Variants in KATNAL2 observed in about 807,000 individuals in gnomAD.
The protein encoded by KATNAL2 is katanin catalytic subunit A1 like 2, also known as katanin p60 ATPase-containing subunit A-like 2.
In KATNAL2, 52 loss-of-function variants were observed where a neutral mutation model predicts 76.3. That is an observed-to-expected ratio of 0.68 (90% CI 0.55 to 0.86). The LOEUF is 0.86. KATNAL2 is among the 40% of genes least tolerant of loss of function. The pLI is 0.00. For synonymous variants in KATNAL2, 243 were observed against 244.2 expected, an observed-to-expected ratio of 1.00 and a Z score of 0.05; for missense variants, 660 against 668.9, an observed-to-expected ratio of 0.99 and a Z score of 0.15.
At chr18:47,054,466 C>T (rs763415284) in intron 6 of KATNAL2, 28 bp downstream of exon 6, 76 of 1,605,740 alleles carry the variant, frequency 4.7e-5, no homozygotes, top group Non-Finnish European at 6.3e-5. Context: ...TCTTCTTAAT[C>T]GACTCGGCTC....
intron 3 of KATNAL2, among the ~76,000 whole-genome samples, chr18:47,042,735 C>G (rs1234713038): frequency 1.3e-5 from 2 of 152,088 alleles, no homozygotes; most frequent in African/African-American, 4.8e-5. Context: ...AAAATCAGTT[C>G]AGGATATCCC....
In KATNAL2 at chr18:47,042,665, G is replaced by A. The variant is rs2061001236; in HGVS notation, c.52-3792G>A. Among the ~76,000 whole-genome samples, 2 of 151,924 alleles carry A rather than the reference G, an allele frequency of 1.3e-5. 1 individual carries two copies. Among genetic ancestry groups the A allele is most frequent in the South Asian group, 4.1e-4 (2 of 4,822 alleles). ...GCTAAAAAATAAGGCCAAGGAAATT[G>A]CTCAGAATATAGAACAAAAGAGACA... On this transcript the variant is annotated intron_variant, in intron 3 of 17. Coordinates refer to ENST00000683218, the MANE Select transcript of KATNAL2 (RefSeq NM_001387690.1).
intron 6 of KATNAL2, among the ~76,000 whole-genome samples, chr18:47,056,811 C>T (rs1259758965): frequency 7.3e-6 from 1 of 137,550 alleles, no homozygotes; most frequent in Non-Finnish European, 1.6e-5. Context: ...TACAGACACA[C>T]ACACACACAA....
chr18:47,085,999 A>G (rs2062756997), intron 15 of KATNAL2, among the ~76,000 whole-genome samples: 1 of 152,088 alleles, frequency 6.6e-6, no homozygotes, highest in African/African-American at 2.4e-5. Context: ...AGGCTGAGGC[A>G]GGAGAATTGC....
rs909188297 is a variant in KATNAL2 at position 47,032,900 on chromosome 18, G to A, written c.52-13557G>A. On this transcript the variant is annotated intron_variant, in intron 3 of 17. Transcript: ENST00000683218. The stretch of plus-strand genomic sequence containing the variant: ...ATTCAAAGGCTCAACTTTGCACCAA[G>A]TTAAAGGTTCTGGTGTCCATTGGAA... 36 of 1,597,874 alleles carry A rather than the reference G, an allele frequency of 2.3e-5. No homozygotes were observed. The African/African-American group carries it at 4.3e-4, about 19-fold the overall frequency.
At chr18:47,050,440 A>AC (rs2061307303) in intron 4 of KATNAL2, among the ~76,000 whole-genome samples, 2 of 152,234 alleles carry the variant, frequency 1.3e-5, no homozygotes, top group South Asian at 4.1e-4. Context: ...TTTTTATTAC[A>AC]ATGTATTTTT....
intron 1 of KATNAL2, among the ~76,000 whole-genome samples, 185 bp from the exon 2 acceptor site, chr18:46,945,872 C>A (rs1218267811): frequency 1.3e-5 from 2 of 152,190 alleles, no homozygotes; most frequent in East Asian, 3.9e-4. Flanking sequence ...TCGGATTTCC[C>A]AATTAGGAAG....
intron 3 of KATNAL2, chr18:47,032,822 A>T (rs2060537639): frequency 2.7e-6 from 3 of 1,100,452 alleles, no homozygotes; most frequent in Non-Finnish European, 3.9e-6. Context: ...GCTGGGAGGT[A>T]GTGGCTGGGT....
intron 15 of KATNAL2, among the ~76,000 whole-genome samples, chr18:47,091,777 C>T (rs968836926): frequency 6.6e-6 from 1 of 152,150 alleles, no homozygotes; most frequent in African/African-American, 2.4e-5. Flanking sequence ...TCTGGACTTC[C>T]TTTAGACAGG....
At chr18:47,046,428 C>T in intron 3 of KATNAL2, 29 bp from the exon 4 acceptor site, 1 of 1,488,612 alleles carries the variant, frequency 6.7e-7, no homozygotes, top group Non-Finnish European at 9.1e-7. Context: ...TTTTTGTTGT[C>T]ATCCTACCTA....
intron 3 of KATNAL2, chr18:47,035,295 C>A: frequency 3.1e-6 from 5 of 1,611,718 alleles, no homozygotes; most frequent in Non-Finnish European, 4.2e-6. Flanking sequence ...GTCGCTGTCC[C>A]GGCGGTCGCA....
chr18:47,063,270 G>A lies in KATNAL2; in HGVS notation c.649-14G>A, dbSNP rs772324803. ...GCAATATTGTAATGTGAGCCTTTCCGCTCCTCTCATCAGGAACGACTGCTG... is the reference window on the plus strand; with the variant it reads ...GCAATATTGTAATGTGAGCCTTTCCACTCCTCTCATCAGGAACGACTGCTG... On this transcript the variant is annotated splice_polypyrimidine_tract_variant and intron_variant, in intron 9 of 17. Transcript: ENST00000683218. 2.0e-5 allele frequency: 33 copies of A among 1,611,824 alleles called. No individual in the cohort carries two copies. The highest frequency in any genetic ancestry group is 2.7e-5 in the African/African-American group (2 of 74,790).
chr18:47,056,303 TGA>T (rs1164087703), intron 6 of KATNAL2, among the ~76,000 whole-genome samples: 4 of 152,212 alleles, frequency 2.6e-5, no homozygotes, highest in African/African-American at 9.7e-5. Context: ...GCCAACAGTG[TGA>T]CATGAGTGCT....
chr18:47,031,993 AGAC>A (rs2060484981), intron 3 of KATNAL2, among the ~76,000 whole-genome samples: 1 of 152,238 alleles, frequency 6.6e-6, no homozygotes. Flanking sequence ...GAAAGCTAGC[AGAC>A]GTCCGTGTGA....
At chr18:47,084,526 C>T (rs2062678596) in intron 15 of KATNAL2, 1 of 631,580 alleles carries the variant, frequency 1.6e-6, no homozygotes, top group Non-Finnish European at 2.9e-6. Flanking sequence ...CAACTGGTTT[C>T]CCCCAGCAGG....
intron 3 of KATNAL2, among the ~76,000 whole-genome samples, chr18:46,953,095 C>T (rs1033645256): frequency 6.6e-6 from 1 of 151,812 alleles, no homozygotes; most frequent in Non-Finnish European, 1.5e-5. Flanking sequence ...GGGGTTTCAC[C>T]GTGTTAGCCA....
chr18:46,957,143 G>T (rs1418364336), intron 3 of KATNAL2, among the ~76,000 whole-genome samples: 2 of 151,956 alleles, frequency 1.3e-5, no homozygotes, highest in African/African-American at 4.8e-5. Context: ...CTGTGCTTTG[G>T]GGTGCCCAGG....
intron 3 of KATNAL2, among the ~76,000 whole-genome samples, chr18:46,955,211 C>T (rs1319866436): frequency 3.2e-5 from 4 of 126,182 alleles, no homozygotes; most frequent in African/African-American, 5.8e-5. Context: ...TTCTCTCTCT[C>T]TCTGTCTTTC....
intron 10 of KATNAL2, among the ~76,000 whole-genome samples, chr18:47,066,429 G>A (rs892919336): frequency 6.6e-6 from 1 of 152,128 alleles, no homozygotes; most frequent in Non-Finnish European, 1.5e-5. Context: ...ACTTTCGCTC[G>A]GTTGTCAGCT....
Sources: allele counts gnomAD v4.1 joint callset (sites outside exome capture counted in the v4.1 genomes callset), GRCh38; gene constraint gnomAD v4.1.1; transcripts MANE v1.5; gene names NCBI Gene and HGNC (gene_info 2026-07-23, HGNC 2026-07-21).